LINGO2: variants seen among roughly 807,000 people sequenced by gnomAD.
LINGO2 encodes leucine-rich repeat and immunoglobulin-like domain-containing nogo receptor-interacting protein 2.
LINGO2 carries 14 observed loss-of-function variants against 30.6 expected under a neutral mutation model. That is an observed-to-expected ratio of 0.46 (90% confidence interval 0.30 to 0.72). The LOEUF (loss-of-function observed/expected upper bound fraction) is 0.72, where lower values mean the gene tolerates loss of function less well. Ranked by LOEUF, LINGO2 falls within the 30% of genes least tolerant of loss-of-function variation. The probability of loss-of-function intolerance (pLI) is 0.07; values close to 1 mark genes in which losing one functional copy is unlikely to be tolerated. For synonymous variants in LINGO2, 317 were observed against 288.5 expected, an observed-to-expected ratio of 1.10 and a Z score of -1.00; for missense variants, 729 against 751.7, an observed-to-expected ratio of 0.97 and a Z score of 0.35.
intron 3 of LINGO2, among the ~76,000 whole-genome samples, chr9:28,350,105 C>A (rs377664119): frequency 2.7e-5 from 4 of 150,522 alleles, no homozygotes; most frequent in Admixed American, 6.6e-5. Flanking sequence ...CGAGCAAAAT[C>A]ACCAGCTAAC....
the LINGO2 span, among the ~76,000 whole-genome samples, chr9:28,745,483 A>AT: frequency 6.6e-6 from 1 of 152,072 alleles, no homozygotes; most frequent in Non-Finnish European, 1.5e-5. Context: ...GATTTAGTCA[A>AT]TTTTTGTAAA....
intron 1 of LINGO2, among the ~76,000 whole-genome samples, chr9:28,507,891 G>C (rs1820218249): frequency 6.6e-6 from 1 of 151,796 alleles, no homozygotes; most frequent in Non-Finnish European, 1.5e-5. Context: ...ATTTCACTTA[G>C]GTATTATATT....
intron 4 of LINGO2, among the ~76,000 whole-genome samples, chr9:28,289,365 G>A (rs1020401021): frequency 6.6e-6 from 1 of 152,120 alleles, no homozygotes; most frequent in Admixed American, 6.5e-5. Flanking sequence ...TTTGTACACA[G>A]AAAAGTGGAA....
At chr9:28,535,566 G>A (rs1821401504) in intron 1 of LINGO2, among the ~76,000 whole-genome samples, 1 of 151,934 alleles carries the variant, frequency 6.6e-6, no homozygotes, top group African/African-American at 2.4e-5. Flanking sequence ...TATAGAAAAT[G>A]TTCAGAGACT....
At chr9:28,109,374 A>C (rs1037170834) in intron 4 of LINGO2, among the ~76,000 whole-genome samples, 2 of 152,204 alleles carry the variant, frequency 1.3e-5, no homozygotes, top group Non-Finnish European at 2.9e-5. Flanking sequence ...TGTTCAACAT[A>C]GTATTGGAAG....
chr9:28,104,891 G>A (rs116427240), intron 4 of LINGO2, among the ~76,000 whole-genome samples: 213 of 151,254 alleles, frequency 1.4e-3, no homozygotes, highest in African/African-American at 4.8e-3. Flanking sequence ...GGTAGAATCC[G>A]GCCCCCACCG....
At chr9:28,196,427 T>C (rs1248945605) in intron 4 of LINGO2, among the ~76,000 whole-genome samples, 11 of 151,820 alleles carry the variant, frequency 7.2e-5, no homozygotes, top group Admixed American at 2.0e-4. Context: ...ATTAGCATAT[T>C]GGAATTAATA....
the LINGO2 span, among the ~76,000 whole-genome samples, chr9:28,990,115 G>A: frequency 6.6e-6 from 1 of 152,192 alleles, no homozygotes; most frequent in African/African-American, 2.4e-5. Context: ...AAGCGCAAGG[G>A]GTCAGGGAGT....
intron 5 of LINGO2, among the ~76,000 whole-genome samples, chr9:27,968,624 C>A (rs993931752): frequency 6.6e-6 from 1 of 151,638 alleles, no homozygotes; most frequent in South Asian, 2.1e-4. Context: ...GTTTTCAATG[C>A]GCATTGTATT....
At chr9:28,360,993 C>CA (rs761383180) in intron 3 of LINGO2, among the ~76,000 whole-genome samples, 4 of 152,102 alleles carry the variant, frequency 2.6e-5, no homozygotes, top group Non-Finnish European at 5.9e-5. Flanking sequence ...AACAGCTGTC[C>CA]AAAAATATTA....
intron 4 of LINGO2, among the ~76,000 whole-genome samples, chr9:28,157,321 T>C (rs560924317): frequency 1.3e-5 from 2 of 152,190 alleles, no homozygotes; most frequent in Non-Finnish European, 2.9e-5. Flanking sequence ...GAAGCCATGG[T>C]CCAAGCTCTA....
At chr9:28,176,420 T>G (rs952822573) in intron 4 of LINGO2, among the ~76,000 whole-genome samples, 1 of 152,210 alleles carries the variant, frequency 6.6e-6, no homozygotes, top group African/African-American at 2.4e-5. Context: ...AGTTTTCATC[T>G]GAATTTTAAT....
At chr9:28,052,254 G>C (rs990571703) in intron 4 of LINGO2, among the ~76,000 whole-genome samples, 5 of 152,106 alleles carry the variant, frequency 3.3e-5, no homozygotes, top group Non-Finnish European at 7.4e-5. Context: ...TTGTAAGTTT[G>C]AGAGTCACTT....
chr9:28,541,044 A>G lies in LINGO2; in HGVS notation c.-364-65019T>C, dbSNP rs559208024. On this transcript the variant is annotated intron_variant, in intron 1 of 5. Coordinates refer to ENST00000379992, the Ensembl canonical transcript of LINGO2. ...TTGAACACATTTCTGATAGCATTCA[A>G]GAAGTTTAAAACAGAAAGGAACAAT... Among the ~76,000 whole-genome samples, 39 of 152,336 alleles carry G rather than the reference A, an allele frequency of 2.6e-4. No individual in the cohort carries two copies. The South Asian group carries it at 3.5e-3, about 14-fold the overall frequency.
the LINGO2 span, among the ~76,000 whole-genome samples, chr9:29,004,848 T>C: frequency 6.6e-6 from 1 of 151,976 alleles, no homozygotes; most frequent in Non-Finnish European, 1.5e-5. Flanking sequence ...TAATTGCAAC[T>C]GCATGTATTA....
chr9:28,325,205 G>T (rs1237924110), intron 3 of LINGO2, among the ~76,000 whole-genome samples: 1 of 151,830 alleles, frequency 6.6e-6, no homozygotes, highest in East Asian at 1.9e-4. Context: ...TTTCCTTAGG[G>T]CATTTATATT....
chr9:28,358,291 C>G (rs1820309904), intron 3 of LINGO2, among the ~76,000 whole-genome samples: 2 of 152,034 alleles, frequency 1.3e-5, no homozygotes, highest in African/African-American at 4.8e-5. Context: ...GTTACATCTC[C>G]AGGTCACAGC....
At chr9:28,043,473 A>G (rs1315347649) in intron 4 of LINGO2, among the ~76,000 whole-genome samples, 4 of 152,208 alleles carry the variant, frequency 2.6e-5, no homozygotes, top group African/African-American at 9.6e-5. Flanking sequence ...AGGGGTTGAG[A>G]GACTGGAAAC....
chr9:29,194,645 A>T, the LINGO2 span, among the ~76,000 whole-genome samples: 3 of 152,044 alleles, frequency 2.0e-5, no homozygotes, highest in Non-Finnish European at 4.4e-5. Flanking sequence ...CCTCCACCCC[A>T]CTAACTATGC....
Sources: allele counts gnomAD v4.1 joint callset (sites outside exome capture counted in the v4.1 genomes callset), GRCh38; gene constraint gnomAD v4.1.1; transcripts MANE v1.5; gene names NCBI Gene and HGNC (gene_info 2026-07-23, HGNC 2026-07-21).